DYNC2H1: variants seen among roughly 807,000 people sequenced by gnomAD.
DYNC2H1 encodes the protein cytoplasmic dynein 2 heavy chain 1.
In DYNC2H1, 410 loss-of-function variants were observed where a neutral mutation model predicts 570.0. That is an observed-to-expected ratio of 0.72 (90% CI 0.66 to 0.78). DYNC2H1 has a LOEUF of 0.78. DYNC2H1 is among the 30% of genes least tolerant of loss of function. The pLI, the probability that DYNC2H1 is intolerant of heterozygous loss-of-function variation, is 0.00. For missense variants in DYNC2H1, 4,865 were observed against 5,046.4 expected, an observed-to-expected ratio of 0.96 and a Z score of 1.09; for synonymous variants, 1,688 against 1,677.6, an observed-to-expected ratio of 1.01 and a Z score of -0.15.
intron 28 of DYNC2H1, among the ~76,000 whole-genome samples, chr11:103,159,892 C>T (rs770405283): frequency 4.1e-4 from 63 of 152,138 alleles, no homozygotes; most frequent in South Asian, 1.7e-3. Flanking sequence ...TAATCCTGCA[C>T]GGTAGTTTAT....
chr11:103,384,440 C>G (rs1324453609), intron 83 of DYNC2H1, among the ~76,000 whole-genome samples: 1 of 152,056 alleles, frequency 6.6e-6, no homozygotes, highest in Admixed American at 6.6e-5. Context: ...TATGCCTGAT[C>G]TATAACTGGA....
In DYNC2H1 at chr11:103,324,614, G is replaced by T. The variant is rs758214774; in HGVS notation, c.12039+624G>T. On this transcript the variant is annotated intron_variant, in intron 82 of 88. Transcript: ENST00000375735. The surrounding 1 kb of genome is among the most constrained non-coding windows in gnomAD (Gnocchi z 5.2). ...CATTTTCTTTATTCAGTCTACCATT[G>T]ATGGCCATTTAGGTTGACTCCATAT... 6.6e-6 allele frequency among the ~76,000 whole-genome samples: 1 copy of T among 152,048 alleles called. No homozygotes were observed. The highest frequency in any genetic ancestry group is 1.5e-5 in the Non-Finnish European group (1 of 68,006).
At position 103,244,609 on chromosome 11, in the gene DYNC2H1, TTATG is replaced by T. The variant is rs1864537826; in HGVS notation, c.9919-637_9919-634del. On this transcript the variant is annotated intron_variant, in intron 64 of 88. Coordinates refer to ENST00000375735, the MANE Select transcript of DYNC2H1 (RefSeq NM_001377.3). This position sits in a 1 kb window ranked among gnomAD's most constrained non-coding sequence, Gnocchi z 4.3. Reference sequence around the variant, plus strand: ...TGCAAATCATTTATGGTTTGCAATATTATGTATGACTACATATAAGTATACTATA... The same window carrying T: ...TGCAAATCATTTATGGTTTGCAATATTATGACTACATATAAGTATACTATA... 6.7e-6 allele frequency among the ~76,000 whole-genome samples: 1 copy of T among 148,886 alleles called. No homozygotes were observed. Among genetic ancestry groups the T allele is most frequent in the Non-Finnish European group, 1.5e-5 (1 of 67,300 alleles).
At chr11:103,235,905 T>C (rs1864200823) in intron 62 of DYNC2H1, 92 bp downstream of exon 62, 1 of 1,445,884 alleles carries the variant, frequency 6.9e-7, no homozygotes, top group Non-Finnish European at 9.2e-7. Context: ...CCCTTTATTC[T>C]CTGTTATTTT....
chr11:103,200,041 T>C lies in DYNC2H1; in HGVS notation c.8089-5T>C. 1 of 1,568,094 alleles carries C rather than the reference T, an allele frequency of 6.4e-7. No individual in the cohort carries two copies. Among genetic ancestry groups the C allele is most frequent in the Non-Finnish European group, 8.7e-7 (1 of 1,153,740 alleles). On this transcript the variant is annotated splice_polypyrimidine_tract_variant and splice_region_variant and intron_variant, in intron 49 of 88. Coordinates refer to ENST00000375735, the MANE Select transcript of DYNC2H1 (RefSeq NM_001377.3). Reference sequence around the variant, plus strand: ...GGCACTAAAAAATATTTTCTGATTTTGCAGGTGCTGCAACTTGCAGGAATT... The same window carrying C: ...GGCACTAAAAAATATTTTCTGATTTCGCAGGTGCTGCAACTTGCAGGAATT...
At chr11:103,121,610 C>A in intron 10 of DYNC2H1, 114 bp downstream of exon 10, 1 of 1,183,326 alleles carries the variant, frequency 8.5e-7, no homozygotes, top group Non-Finnish European at 1.1e-6. Flanking sequence ...CTTGGCATGT[C>A]TGTCTAATTT....
Position 103,133,850 on chromosome 11 carries a change from G to T in DYNC2H1, c.2106+143G>T. Reference sequence around the variant, plus strand: ...TACAGAGAAATCACAATTCCCATTTGCCCAAATTCCCTGTTGTTAACAACT... The same window carrying T: ...TACAGAGAAATCACAATTCCCATTTTCCCAAATTCCCTGTTGTTAACAACT... On this transcript the variant is annotated intron_variant, in intron 14 of 88. Coordinates refer to ENST00000375735, the MANE Select transcript of DYNC2H1 (RefSeq NM_001377.3). This position sits in a 1 kb window ranked among gnomAD's most constrained non-coding sequence, Gnocchi z 4.8. 5 of 895,866 alleles carry T rather than the reference G, an allele frequency of 5.6e-6. No homozygotes were observed. Among genetic ancestry groups the T allele is most frequent in the Non-Finnish European group, 6.4e-6 (4 of 620,404 alleles). 55.5% of individuals were successfully genotyped at this position (895,866 alleles called of 1,614,324 possible).
At chr11:103,402,116 G>C (rs1942669389) in intron 84 of DYNC2H1, 1 of 152,070 alleles carries the variant, frequency 6.6e-6, no homozygotes, top group Admixed American at 6.6e-5. Flanking sequence ...TGAATTATCT[G>C]TTTTTGACTA....
chr11:103,115,123 A>AT (rs910160477), intron 3 of DYNC2H1, 54 bp from the exon 4 acceptor site: 2,626 of 1,302,596 alleles, frequency 2.0e-3, no homozygotes, highest in Non-Finnish European at 2.3e-3. Flanking sequence ...TTTTGTATTC[A>AT]TTTTTTTTTC....
In DYNC2H1 at chr11:103,334,669, A is replaced by G. The variant is rs1465266657; in HGVS notation, c.12039+10679A>G. Among the ~76,000 whole-genome samples the G allele has an allele frequency of 6.6e-6, 1 of 152,148 alleles. No individual in the cohort carries two copies. Among genetic ancestry groups the G allele is most frequent in the Non-Finnish European group, 1.5e-5 (1 of 67,978 alleles). ...TTTTGATATACTCCAGCAATTGAAC[A>G]TATTAAGTACCCAAGAAATGCCCAT... On this transcript the variant is annotated intron_variant, in intron 82 of 88. Coordinates refer to ENST00000375735, the MANE Select transcript of DYNC2H1 (RefSeq NM_001377.3). This position sits in a 1 kb window ranked among gnomAD's most constrained non-coding sequence, Gnocchi z 4.3.
intron 25 of DYNC2H1, 124 bp from the exon 26 acceptor site, chr11:103,156,264 T>A: frequency 1.3e-6 from 1 of 774,674 alleles, no homozygotes. Flanking sequence ...CCACTTAACT[T>A]TTTTTTTTTT....
At chr11:103,292,750 T>A (rs534051265) in intron 75 of DYNC2H1, among the ~76,000 whole-genome samples, 1 of 152,326 alleles carries the variant, frequency 6.6e-6, no homozygotes, top group African/African-American at 2.4e-5. Context: ...TTTTGCCATG[T>A]AACATGCAAG....
Position 103,253,325 on chromosome 11 carries a change from C to T in DYNC2H1, c.10083C>T (p.Asp3361=). Residue 3361 remains aspartate (D), a synonymous_variant, in exon 66 of 89, where the codon GAC becomes GAT. Coordinates refer to ENST00000375735, the MANE Select transcript of DYNC2H1 (RefSeq NM_001377.3). ...YVVQIGDKII[D]YNEEFRLFLS... ...TACAAATAGGTGACAAAATTATTGA[C>T]TACAATGAAGAATTCCGCCTCTTTT... 6.2e-7 allele frequency: 1 copy of T among 1,613,078 alleles called. No individual in the cohort carries two copies. Among genetic ancestry groups the T allele is most frequent in the East Asian group, 2.2e-5 (1 of 44,792 alleles).
chr11:103,229,122 G>A (rs1863906508), intron 59 of DYNC2H1, among the ~76,000 whole-genome samples: 1 of 152,182 alleles, frequency 6.6e-6, no homozygotes, highest in African/African-American at 2.4e-5. Context: ...TTTCCAGGCA[G>A]CCAGTGACCA....
rs1179186600 is a variant in DYNC2H1, at chr11:103,289,183, C to A, written c.11095+1578C>A. On this transcript the variant is annotated intron_variant, in intron 75 of 88. Transcript: ENST00000375735. The surrounding 1 kb of genome is among the most constrained non-coding windows in gnomAD (Gnocchi z 4.2). ...CAATCAGCACTCCCCACTTCCTAAG[C>A]CCCTACTCACCAAATCGTCTTTAAA... is the stretch of plus-strand genomic sequence containing the variant. 6.6e-6 allele frequency among the ~76,000 whole-genome samples: 1 copy of A among 152,154 alleles called. No homozygotes were observed. The highest frequency in any genetic ancestry group is 2.4e-5 in the African/African-American group (1 of 41,428).
intron 84 of DYNC2H1, among the ~76,000 whole-genome samples, chr11:103,400,729 CCT>C (rs1450078027): frequency 6.6e-6 from 1 of 151,566 alleles, no homozygotes; most frequent in East Asian, 1.9e-4. Flanking sequence ...ACCTAACAGT[CCT>C]CTCTGTTTGA....
At chr11:103,138,135 A>C (rs1002381930) in intron 17 of DYNC2H1, among the ~76,000 whole-genome samples, 1 of 151,952 alleles carries the variant, frequency 6.6e-6, no homozygotes, top group South Asian at 2.1e-4. Flanking sequence ...GGGCTGAGAC[A>C]ATGGGGTTTT....
At chr11:103,411,448 A>G (rs1258247668) in intron 84 of DYNC2H1, among the ~76,000 whole-genome samples, 2 of 150,862 alleles carry the variant, frequency 1.3e-5, no homozygotes, top group Admixed American at 6.7e-5. Context: ...CCGTTGAGGT[A>G]CTCATGATTA....
intron 82 of DYNC2H1, among the ~76,000 whole-genome samples, chr11:103,333,902 G>A (rs542081434): frequency 6.6e-6 from 1 of 152,124 alleles, no homozygotes; most frequent in Admixed American, 6.5e-5. Context: ...TCAACTCTAG[G>A]AGGTTTCTTT....
Sources: gnomAD v4.1 joint callset for allele counts (sites outside exome capture counted in the v4.1 genomes callset) on GRCh38, gnomAD v4.1.1 for gene constraint, Gnocchi (gnomAD v3.1) non-coding constraint, MANE v1.5 for transcripts, NCBI Gene and HGNC (gene_info 2026-07-23, HGNC 2026-07-21) for gene names.